Variants in NDST3 observed in about 807,000 individuals in gnomAD.
NDST3 encodes the protein N-deacetylase and N-sulfotransferase 3, also known as bifunctional heparan sulfate N-deacetylase/N-sulfotransferase 3.
A neutral mutation model predicts 96.1 loss-of-function variants in NDST3; 58 were observed. That is an observed-to-expected ratio of 0.60 (90% CI 0.49 to 0.75). The LOEUF (loss-of-function observed/expected upper bound fraction) is 0.75. NDST3 is among the 30% of genes least tolerant of loss of function. The pLI, the probability that NDST3 is intolerant of heterozygous loss-of-function variation, is 0.00. For synonymous variants in NDST3, 333 were observed against 359.7 expected (o/e 0.93, Z 0.84); for missense variants, 788 against 1,034.2 (o/e 0.76, Z 3.27).
At chr4:118,155,019 T>C (rs533344150) in intron 6 of NDST3, among the ~76,000 whole-genome samples, 2 of 152,354 alleles carry the variant, frequency 1.3e-5, no homozygotes, top group South Asian at 2.1e-4. Flanking sequence ...AAATGTCTAA[T>C]GTACTTTTAA....
intron 1 of NDST3, among the ~76,000 whole-genome samples, chr4:118,045,838 G>A (rs1724732505): frequency 6.6e-6 from 1 of 152,064 alleles, no homozygotes; most frequent in Non-Finnish European, 1.5e-5. Flanking sequence ...CTTTTAGCCT[G>A]CCTTATGTAG....
chr4:118,238,216 A>G (rs1024781843), intron 10 of NDST3, among the ~76,000 whole-genome samples: 1 of 135,744 alleles, frequency 7.4e-6, no homozygotes, highest in African/African-American at 3.0e-5. Flanking sequence ...AGAAAGAAAG[A>G]AAGAAAGAAA....
rs940769014 is a variant in NDST3 at position 118,038,798 on chromosome 4, A to C, written c.-156+4206A>C. On this transcript the variant is annotated intron_variant, in intron 1 of 13. Coordinates refer to ENST00000296499, the MANE Select transcript of NDST3 (RefSeq NM_004784.3). ...TTTATGTTAGAACCTGAAGCTCTTT[A>C]GTTATTAATACTCATTTTCCAGATG... 5.9e-5 allele frequency among the ~76,000 whole-genome samples: 9 copies of C among 152,086 alleles called. No homozygotes were observed. The East Asian group carries it at 1.3e-3, about 23-fold the overall frequency.
rs550826470 is a variant in NDST3 at position 118,148,046 on chromosome 4, G to C, written c.1539+4362G>C. Reference sequence around the variant, plus strand: ...AGGCGCAGTGGCTCACGCCTGTAATGTCAGCACTTTGGGAGGCCAAGGTGG... The same window carrying C: ...AGGCGCAGTGGCTCACGCCTGTAATCTCAGCACTTTGGGAGGCCAAGGTGG... On this transcript the variant is annotated intron_variant, in intron 6 of 13. Coordinates refer to ENST00000296499, the MANE Select transcript of NDST3 (RefSeq NM_004784.3). Among the ~76,000 whole-genome samples, 100 of 152,264 alleles carry C rather than the reference G, an allele frequency of 6.6e-4. 1 individual carries two copies. Among genetic ancestry groups the C allele is most frequent in the African/African-American group, 2.3e-3 (95 of 41,550 alleles).
intron 6 of NDST3, among the ~76,000 whole-genome samples, chr4:118,148,365 A>C (rs1361641534): frequency 1.3e-5 from 2 of 152,152 alleles, no homozygotes; most frequent in Non-Finnish European, 2.9e-5. Context: ...ACCATGTAAC[A>C]ATATTGTGCC....
At chr4:118,222,749 A>T (rs1217798502) in intron 6 of NDST3, among the ~76,000 whole-genome samples, 1 of 151,920 alleles carries the variant, frequency 6.6e-6, no homozygotes, top group Non-Finnish European at 1.5e-5. Flanking sequence ...CTAGCTCATA[A>T]CTCATTTTGG....
chr4:118,133,070 G>A (rs1732770552), intron 4 of NDST3, among the ~76,000 whole-genome samples: 1 of 152,170 alleles, frequency 6.6e-6, no homozygotes, highest in Non-Finnish European at 1.5e-5. Context: ...GCTCTGGCTA[G>A]TGTCTCCCTA....
intron 2 of NDST3, among the ~76,000 whole-genome samples, chr4:118,062,455 C>A (rs1725973034): frequency 1.3e-5 from 2 of 151,954 alleles, no homozygotes; most frequent in Non-Finnish European, 2.9e-5. Context: ...TCTCTCCCTC[C>A]CTCTCCCTCA....
intron 6 of NDST3, among the ~76,000 whole-genome samples, chr4:118,143,899 G>A (rs1733750356): frequency 6.6e-6 from 1 of 152,100 alleles, no homozygotes; most frequent in South Asian, 2.1e-4. Flanking sequence ...GCAGAACCAG[G>A]GAAGTGCTCC....
At chr4:118,253,745 T>C (rs17049706) in intron 13 of NDST3, 144 bp downstream of exon 13, 17,175 of 559,202 alleles carry the variant, frequency 0.031, 552 homozygotes, top group African/African-American at 0.12. Context: ...ACAGGTAGGT[T>C]GCTTATTTTG....
intron 2 of NDST3, among the ~76,000 whole-genome samples, chr4:118,084,257 G>A (rs1728241257): frequency 6.6e-6 from 1 of 151,942 alleles, no homozygotes; most frequent in African/African-American, 2.4e-5. Context: ...TATGTGAGAT[G>A]ATGGATATGT....
chr4:118,181,129 A>C (rs1736581054), intron 6 of NDST3, among the ~76,000 whole-genome samples: 1 of 152,100 alleles, frequency 6.6e-6, no homozygotes, highest in African/African-American at 2.4e-5. Flanking sequence ...AGAGTACTCC[A>C]AAAAAGAAAT....
chr4:118,248,237 G>A (rs1741445029), intron 12 of NDST3, among the ~76,000 whole-genome samples: 1 of 152,088 alleles, frequency 6.6e-6, no homozygotes, highest in African/African-American at 2.4e-5. Flanking sequence ...TGTAACCCCA[G>A]CAACTCGGGA....
intron 2 of NDST3, among the ~76,000 whole-genome samples, chr4:118,056,970 C>T (rs1311554915): frequency 2.0e-5 from 3 of 151,728 alleles, no homozygotes; most frequent in East Asian, 1.9e-4. Flanking sequence ...TGTACTTAAG[C>T]ATGTAGGACA....
At chr4:118,169,200 C>G (rs1735760513) in intron 6 of NDST3, among the ~76,000 whole-genome samples, 1 of 151,934 alleles carries the variant, frequency 6.6e-6, no homozygotes, top group Admixed American at 6.6e-5. Flanking sequence ...AAGAAATAAT[C>G]AGACAAATGC....
Position 118,194,977 on chromosome 4 carries a change from T to G in NDST3, c.1540-29514T>G, listed in dbSNP as rs188653129. ...TTGCTCAGGATAGCTTTGACTATTC[T>G]GGATCTTTTGTTGTACCATGTAAAT... is the stretch of plus-strand genomic sequence containing the variant. On this transcript the variant is annotated intron_variant, in intron 6 of 13. Coordinates refer to ENST00000296499, the MANE Select transcript of NDST3 (RefSeq NM_004784.3). Among the ~76,000 whole-genome samples, 165 of 152,318 alleles carry G rather than the reference T, an allele frequency of 1.1e-3. 4 individuals carry two copies. In the East Asian group the frequency reaches 0.021, roughly 19 times the overall value.
At chr4:118,064,574 A>G (rs1272650287) in intron 2 of NDST3, among the ~76,000 whole-genome samples, 1 of 152,130 alleles carries the variant, frequency 6.6e-6, no homozygotes, top group East Asian at 1.9e-4. Flanking sequence ...TATAAAATAC[A>G]TATTAGAATT....
chr4:118,172,466 C>G (rs1486905615), intron 6 of NDST3, among the ~76,000 whole-genome samples: 3 of 152,078 alleles, frequency 2.0e-5, no homozygotes, highest in Non-Finnish European at 2.9e-5. Flanking sequence ...GATGATTGTA[C>G]AGACTTAAAA....
Position 118,242,025 on chromosome 4 carries a change from T to A in NDST3, c.2290-15T>A. ...TGTCTTTTTTCAATGTGCATTTTTT[T>A]ATTTGATAATTTAGTTGCTAATTAT... On this transcript the variant is annotated splice_polypyrimidine_tract_variant and intron_variant, in intron 11 of 13. Coordinates refer to ENST00000296499, the MANE Select transcript of NDST3 (RefSeq NM_004784.3). The A allele has an allele frequency of 6.4e-7, 1 of 1,554,122 alleles. No homozygotes were observed. The highest frequency in any genetic ancestry group is 8.8e-7 in the Non-Finnish European group (1 of 1,132,732).
Sources: gnomAD v4.1 joint callset for allele counts (sites outside exome capture counted in the v4.1 genomes callset) on GRCh38, gnomAD v4.1.1 for gene constraint, MANE v1.5 for transcripts, NCBI Gene and HGNC (gene_info 2026-07-23, HGNC 2026-07-21) for gene names.